Variants in SH3RF1 observed in about 807,000 individuals in gnomAD.
SH3RF1 encodes SH3 domain containing ring finger 1.
A neutral mutation model predicts 74.0 loss-of-function variants in SH3RF1; 32 were observed. The observed-to-expected ratio is 0.43, with a 90% CI of 0.33 to 0.58. The LOEUF is 0.58. SH3RF1 is among the 20% of genes least tolerant of loss of function. SH3RF1 has a pLI of 0.05. For synonymous variants in SH3RF1, 396 were observed against 439.6 expected (o/e 0.90, Z 1.24); for missense variants, 954 against 1,130.9 (o/e 0.84, Z 2.24).
chr4:169,168,826 G>C (rs1169791952), intron 2 of SH3RF1, among the ~76,000 whole-genome samples: 2 of 152,180 alleles, frequency 1.3e-5, no homozygotes, highest in African/African-American at 4.8e-5. Flanking sequence ...GTTTATTCTT[G>C]ATGATTTTGT....
chr4:169,130,466 A>C (rs978641879), intron 5 of SH3RF1, among the ~76,000 whole-genome samples: 1 of 152,192 alleles, frequency 6.6e-6, no homozygotes, highest in Non-Finnish European at 1.5e-5. Flanking sequence ...CCATGAATCA[A>C]ACTGGCCTTC....
At chr4:169,224,321 A>ATTTTTTT (rs11459151) in intron 2 of SH3RF1, among the ~76,000 whole-genome samples, 1 of 146,398 alleles carries the variant, frequency 6.8e-6, no homozygotes. Flanking sequence ...CTAATTTCCT[A>ATTTTTTT]TTTTTTTTTT....
intron 2 of SH3RF1, among the ~76,000 whole-genome samples, chr4:169,158,588 T>G (rs1370876386): frequency 6.6e-6 from 1 of 152,228 alleles, no homozygotes; most frequent in African/African-American, 2.4e-5. Flanking sequence ...CAGATCAGTC[T>G]GGCAGTAGTG....
chr4:169,248,033 G>C (rs770618984), intron 2 of SH3RF1, among the ~76,000 whole-genome samples: 1 of 152,196 alleles, frequency 6.6e-6, no homozygotes, highest in South Asian at 2.1e-4. Flanking sequence ...CTTTTACACT[G>C]TTGGTGGGAC....
intron 6 of SH3RF1, among the ~76,000 whole-genome samples, chr4:169,124,186 A>G (rs1348145224): frequency 6.6e-6 from 1 of 152,234 alleles, no homozygotes; most frequent in African/African-American, 2.4e-5. Flanking sequence ...TCTAAGCTCA[A>G]TCTCAAAACA....
At chr4:169,114,879 C>T (rs1733305636) in intron 10 of SH3RF1, among the ~76,000 whole-genome samples, 1 of 152,166 alleles carries the variant, frequency 6.6e-6, no homozygotes, top group Admixed American at 6.5e-5. Context: ...GAACGACATA[C>T]ATTACCACTT....
chr4:169,185,293 C>A (rs1034310953), intron 2 of SH3RF1, among the ~76,000 whole-genome samples: 4 of 152,120 alleles, frequency 2.6e-5, no homozygotes, highest in Non-Finnish European at 5.9e-5. Flanking sequence ...AGAGAAACAG[C>A]GGTGGGAGGC....
intron 2 of SH3RF1, among the ~76,000 whole-genome samples, chr4:169,184,971 C>T (rs1264490389): frequency 6.6e-6 from 1 of 152,090 alleles, no homozygotes; most frequent in Non-Finnish European, 1.5e-5. Context: ...GTTACAGGAC[C>T]ACGAGGATAA....
intron 4 of SH3RF1, among the ~76,000 whole-genome samples, chr4:169,153,687 A>G (rs749187820): frequency 6.6e-6 from 1 of 152,208 alleles, no homozygotes; most frequent in African/African-American, 2.4e-5. Flanking sequence ...AGGAAGTTCA[A>G]TCTGATGGCT....
At chr4:169,127,015 G>A (rs1733536672) in intron 6 of SH3RF1, among the ~76,000 whole-genome samples, 1 of 152,128 alleles carries the variant, frequency 6.6e-6, no homozygotes, top group Non-Finnish European at 1.5e-5. Context: ...CAGAGGATCG[G>A]GGATTATTCA....
At chr4:169,163,384 C>T (rs1274530315) in intron 2 of SH3RF1, among the ~76,000 whole-genome samples, 1 of 152,088 alleles carries the variant, frequency 6.6e-6, no homozygotes, top group Non-Finnish European at 1.5e-5. Context: ...TCCTCTCCTA[C>T]AAGTACAGGA....
At chr4:169,098,315 G>A (rs567918124) in intron 11 of SH3RF1, among the ~76,000 whole-genome samples, 6 of 152,256 alleles carry the variant, frequency 3.9e-5, no homozygotes, top group African/African-American at 9.6e-5. Context: ...GTATAGCCTC[G>A]TGGGACCCAC....
At chr4:169,161,559 A>C (rs1734148487) in intron 2 of SH3RF1, among the ~76,000 whole-genome samples, 1 of 152,164 alleles carries the variant, frequency 6.6e-6, no homozygotes. Flanking sequence ...TATTTTATAG[A>C]CTCTAAATGC....
intron 5 of SH3RF1, among the ~76,000 whole-genome samples, chr4:169,131,731 C>T (rs1052682084): frequency 1.3e-5 from 2 of 152,250 alleles, no homozygotes; most frequent in Admixed American, 1.3e-4. Flanking sequence ...GAAAGTACCT[C>T]TGACTGGTTG....
At position 169,096,254 on chromosome 4, in the gene SH3RF1, TA is replaced by T. The variant is rs879873426; in HGVS notation, c.*264del. ...AATTGTCCATTTTAGTCATATATCT[TA>T]AAAAAAAAAAAAAGTTTCTCTGTGT... is the stretch of plus-strand genomic sequence containing the variant. On this transcript the variant is annotated 3_prime_UTR_variant, in exon 12 of 12. Coordinates refer to ENST00000284637, the MANE Select transcript of SH3RF1 (RefSeq NM_020870.4). 33,719 of 279,468 alleles carry T rather than the reference TA, an allele frequency of 0.12. 2 individuals are homozygous for T. Among genetic ancestry groups the T allele is most frequent in the East Asian group, 0.17 (2,917 of 17,314 alleles). 17.3% of individuals were successfully genotyped at this position (279,468 alleles called of 1,614,324 possible).
At chr4:169,220,951 G>T (rs1730555939) in intron 2 of SH3RF1, among the ~76,000 whole-genome samples, 1 of 152,194 alleles carries the variant, frequency 6.6e-6, no homozygotes, top group Non-Finnish European at 1.5e-5. Flanking sequence ...CTTCAAGGCA[G>T]AAGTTTAGCA....
At chr4:169,256,523 T>C (rs1370419966) in intron 2 of SH3RF1, among the ~76,000 whole-genome samples, 1 of 152,222 alleles carries the variant, frequency 6.6e-6, no homozygotes, top group Non-Finnish European at 1.5e-5. Context: ...AAATGTTCTA[T>C]GGTATTAACA....
rs982172798 is a variant in SH3RF1 at position 169,119,159 on chromosome 4, A to G, written c.1518-1377T>C. 6.6e-5 allele frequency among the ~76,000 whole-genome samples: 10 copies of G among 151,916 alleles called. No individual in the cohort carries two copies. The East Asian group carries it at 1.5e-3, about 24-fold the overall frequency. On this transcript the variant is annotated intron_variant, in intron 8 of 11. Coordinates refer to ENST00000284637, the MANE Select transcript of SH3RF1 (RefSeq NM_020870.4). ...TGCTCTGCCGCCCAGGCTGGAGTGC[A>G]GTGGCATGATCTCGGCTCACTGCAG...
chr4:169,231,527 C>T (rs1730738087), intron 2 of SH3RF1, among the ~76,000 whole-genome samples: 1 of 152,092 alleles, frequency 6.6e-6, no homozygotes, highest in African/African-American at 2.4e-5. Context: ...GATTGCACCA[C>T]TGCTCTCCTG....
Sources: allele counts gnomAD v4.1 joint callset (sites outside exome capture counted in the v4.1 genomes callset), GRCh38; gene constraint gnomAD v4.1.1; transcripts MANE v1.5; gene names NCBI Gene and HGNC (gene_info 2026-07-23, HGNC 2026-07-21).